EHMT1: variants seen among roughly 807,000 people sequenced by gnomAD.
EHMT1 encodes the protein euchromatic histone lysine methyltransferase 1, also known as histone-lysine N-methyltransferase EHMT1.
EHMT1 carries 15 observed loss-of-function variants against 147.2 expected under a neutral mutation model. The ratio of observed to expected loss-of-function variants is 0.10; its 90% CI spans 0.07 to 0.16. EHMT1 has a LOEUF of 0.16. Among genes scored for constraint, EHMT1 ranks in the 10% least tolerant of loss-of-function variants. The pLI is 1.00. For synonymous variants in EHMT1, 795 were observed against 709.6 expected, an observed-to-expected ratio of 1.12 and a Z score of -1.91; for missense variants, 1,587 against 1,772.4, an observed-to-expected ratio of 0.90 and a Z score of 1.88.
chr9:137,808,682 G>T (rs868008344), intron 18 of EHMT1, among the ~76,000 whole-genome samples: 1,501 of 131,362 alleles, frequency 0.011, 38 homozygotes, highest in African/African-American at 0.037. Flanking sequence ...GGGGTGGGGG[G>T]GGCGCGTGGT....
At chr9:137,696,757 G>A (rs138486644) in intron 1 of EHMT1, among the ~76,000 whole-genome samples, 2 of 152,224 alleles carry the variant, frequency 1.3e-5, no homozygotes, top group African/African-American at 4.8e-5. Flanking sequence ...TTCAAAGCTC[G>A]GGTAGGTAAT....
intron 1 of EHMT1, among the ~76,000 whole-genome samples, chr9:137,691,326 A>T (rs1117832): frequency 0.12 from 16,791 of 145,816 alleles, 1,097 homozygotes; most frequent in Middle Eastern, 0.21. Context: ...TATATATATA[A>T]AATATATTTT....
At chr9:137,703,785 C>T (rs1944031022) in intron 1 of EHMT1, among the ~76,000 whole-genome samples, 1 of 152,130 alleles carries the variant, frequency 6.6e-6, no homozygotes, top group Admixed American at 6.6e-5. Flanking sequence ...CGGCCCATTA[C>T]CCATTTCCAA....
chr9:137,727,873 A>G (rs1258189528), intron 3 of EHMT1, among the ~76,000 whole-genome samples: 1 of 152,254 alleles, frequency 6.6e-6, no homozygotes, highest in African/African-American at 2.4e-5. Flanking sequence ...GATAAATGCC[A>G]TTTGGGGATG....
At position 137,634,399 on chromosome 9, in the gene EHMT1, G is replaced by C. The variant is rs1843830405; in HGVS notation, c.21+15350G>C. On this transcript the variant is annotated intron_variant, in intron 1 of 26. Transcript: ENST00000460843. Reference sequence around the variant, plus strand: ...CAGCAGCGTTTGTTGAAAAGACCATGCTTTCCCCATTGAATTGCCTGGCCA... The same window carrying C: ...CAGCAGCGTTTGTTGAAAAGACCATCCTTTCCCCATTGAATTGCCTGGCCA... Among the ~76,000 whole-genome samples the C allele has an allele frequency of 1.3e-5, 2 of 152,182 alleles. 1 individual carries two copies. The highest frequency in any genetic ancestry group is 4.1e-4 in the South Asian group (2 of 4,830).
intron 1 of EHMT1, among the ~76,000 whole-genome samples, chr9:137,632,094 G>A (rs1465735272): frequency 2.6e-5 from 4 of 152,230 alleles, no homozygotes; most frequent in African/African-American, 9.6e-5. Context: ...TAGGTTTGCA[G>A]AAGTGCACTC....
At chr9:137,779,751 C>A in intron 14 of EHMT1, 34 bp downstream of exon 14, 1 of 1,609,376 alleles carries the variant, frequency 6.2e-7, no homozygotes, top group East Asian at 2.2e-5. Context: ...GCACATGCAG[C>A]CGGCCCTGTG....
chr9:137,772,784 C>G (rs1458296675), intron 10 of EHMT1, among the ~76,000 whole-genome samples: 5 of 152,242 alleles, frequency 3.3e-5, no homozygotes, highest in Admixed American at 1.3e-4. Context: ...CAGGGTGCCC[C>G]TCCCACCCAT....
chr9:137,649,834 C>T (rs966729231), intron 1 of EHMT1, among the ~76,000 whole-genome samples: 2 of 152,048 alleles, frequency 1.3e-5, no homozygotes, highest in East Asian at 1.9e-4. Context: ...TCCAGAACTG[C>T]GAAAAGATAA....
chr9:137,743,806 T>A, intron 5 of EHMT1, 96 bp from the exon 6 acceptor site: 1 of 1,440,606 alleles, frequency 6.9e-7, no homozygotes, highest in Admixed American at 2.0e-5. Flanking sequence ...CACAGGCCCT[T>A]GCACCTCCCA....
rs368420004 is a variant in EHMT1, at chr9:137,826,634, C to T, written c.3541-7715C>T. Reference sequence around the variant, plus strand: ...CCGCCTGGCTCATGGAGGGACCCTGCCTTCTCACTGCGTGATAACCAGTGA... The same window carrying T: ...CCGCCTGGCTCATGGAGGGACCCTGTCTTCTCACTGCGTGATAACCAGTGA... On this transcript the variant is annotated intron_variant, in intron 25 of 26. Transcript: ENST00000460843. Among the ~76,000 whole-genome samples the T allele has an allele frequency of 1.2e-4, 18 of 152,360 alleles. No individual in the cohort carries two copies. In the East Asian group the frequency reaches 3.5e-3, roughly 29 times the overall value.
intron 2 of EHMT1, among the ~76,000 whole-genome samples, chr9:137,716,099 TGTG>T (rs1408586164): frequency 4.7e-5 from 2 of 42,284 alleles, no homozygotes; most frequent in African/African-American, 2.4e-4. Context: ...GGGAGGAAGT[TGTG>T]GTGGTGTCAT....
At position 137,775,939 on chromosome 9, in the gene EHMT1, G is replaced by A. The variant is rs1417221760; in HGVS notation, c.1792-679G>A. Among the ~76,000 whole-genome samples the A allele has an allele frequency of 6.6e-6, 1 of 151,980 alleles. No homozygotes were observed. The highest frequency in any genetic ancestry group is 1.9e-4 in the East Asian group (1 of 5,160). On this transcript the variant is annotated intron_variant, in intron 11 of 26. Transcript: ENST00000460843. This position sits in a 1 kb window ranked among gnomAD's most constrained non-coding sequence, Gnocchi z 6.1. ...CATCTGTGTGAGCCTCTGCCTGTAA[G>A]CGTCTGTCTGTGTGCGCCTGTGTGT... is the stretch of plus-strand genomic sequence containing the variant.
chr9:137,716,559 T>C (rs888689033), intron 2 of EHMT1, 67 bp from the exon 3 acceptor site: 131 of 1,280,962 alleles, frequency 1.0e-4, no homozygotes, highest in Middle Eastern at 2.8e-4. Flanking sequence ...GGGGAGGAAG[T>C]GGTGGTGGTG....
chr9:137,739,165 A>C (rs1255506078), intron 4 of EHMT1, among the ~76,000 whole-genome samples: 5 of 151,336 alleles, frequency 3.3e-5, no homozygotes, highest in Non-Finnish European at 4.4e-5. Flanking sequence ...AGGTCAGGAG[A>C]TCGAGACCAT....
intron 1 of EHMT1, among the ~76,000 whole-genome samples, chr9:137,658,063 C>T (rs1442372207): frequency 1.3e-5 from 2 of 152,158 alleles, no homozygotes; most frequent in Non-Finnish European, 1.5e-5. Flanking sequence ...CTGTTCATGG[C>T]TGAATACTGC....
rs1053348084 is a variant in EHMT1 at position 137,828,970 on chromosome 9, C to T, written c.3541-5379C>T. On this transcript the variant is annotated intron_variant, in intron 25 of 26. Transcript: ENST00000460843. The surrounding 1 kb of genome is among the most constrained non-coding windows in gnomAD (Gnocchi z 5.3). Reference sequence around the variant, plus strand: ...CCCAGATGGCCTCTTTTGCCTCTGGCGAAGTGAAGTGAGCACCTGTAGTGA... The same window carrying T: ...CCCAGATGGCCTCTTTTGCCTCTGGTGAAGTGAAGTGAGCACCTGTAGTGA... 2.6e-5 allele frequency among the ~76,000 whole-genome samples: 4 copies of T among 152,102 alleles called. No homozygotes were observed. Among genetic ancestry groups the T allele is most frequent in the African/African-American group, 7.2e-5 (3 of 41,424 alleles).
At chr9:137,686,156 G>A (rs1379189215) in intron 1 of EHMT1, among the ~76,000 whole-genome samples, 2 of 152,248 alleles carry the variant, frequency 1.3e-5, no homozygotes, top group Non-Finnish European at 2.9e-5. Context: ...CGTTCCTTAA[G>A]TTGTCTTTTT....
At chr9:137,688,447 G>A (rs1015983520) in intron 1 of EHMT1, among the ~76,000 whole-genome samples, 1 of 152,182 alleles carries the variant, frequency 6.6e-6, no homozygotes, top group Non-Finnish European at 1.5e-5. Context: ...ACACTGGGCC[G>A]TGGCCGGCTG....
Sources: allele counts gnomAD v4.1 joint callset (sites outside exome capture counted in the v4.1 genomes callset), GRCh38; gene constraint gnomAD v4.1.1; non-coding constraint Gnocchi (gnomAD v3.1); transcripts MANE v1.5; gene names NCBI Gene and HGNC (gene_info 2026-07-23, HGNC 2026-07-21).